The following ZW10 variants were observed in gnomAD, a reference collection of about 807,000 sequenced individuals.
ZW10 encodes the protein zw10 kinetochore protein, also known as centromere/kinetochore protein zw10 homolog.
Under a neutral mutation model 87.8 loss-of-function variants are expected in ZW10, and 53 were observed. That is an observed-to-expected ratio of 0.60 (90% CI 0.48 to 0.76). The LOEUF (loss-of-function observed/expected upper bound fraction) is 0.76, where lower values mean the gene tolerates loss of function less well. ZW10 is among the 30% of genes least tolerant of loss of function. The probability of loss-of-function intolerance (pLI) is 0.00; values close to 1 mark genes in which losing one functional copy is unlikely to be tolerated. For synonymous variants in ZW10, 312 were observed against 329.2 expected (o/e 0.95, Z 0.57); for missense variants, 837 against 923.0 (o/e 0.91, Z 1.21).
In ZW10 at chr11:113,773,682, C is replaced by G. The variant is rs771019350; in HGVS notation, c.-16G>C. The G allele has an allele frequency of 4.3e-6, 7 of 1,610,322 alleles. No individual in the cohort carries two copies. The highest frequency in any genetic ancestry group is 1.7e-5 in the Admixed American group (1 of 59,878). ...ACGAGGCCATGGCCAAGACGGGAACCAACGCTGACTGGGTCACTCTCGTAG... is the reference window on the plus strand; with the variant it reads ...ACGAGGCCATGGCCAAGACGGGAACGAACGCTGACTGGGTCACTCTCGTAG... On this transcript the variant is annotated 5_prime_UTR_variant, in exon 1 of 16. Coordinates refer to ENST00000200135, the MANE Select transcript of ZW10 (RefSeq NM_004724.4).
At chr11:113,759,436 A>G (rs1485329444) in intron 5 of ZW10, among the ~76,000 whole-genome samples, 2 of 152,176 alleles carry the variant, frequency 1.3e-5, no homozygotes, top group African/African-American at 2.4e-5. Flanking sequence ...TATATAATGA[A>G]TTTGTAGGCC....
intron 2 of ZW10, among the ~76,000 whole-genome samples, chr11:113,766,673 CAAAAAAAAAAA>C (rs34081366): frequency 3.6e-5 from 1 of 27,638 alleles, no homozygotes; most frequent in Admixed American, 7.0e-4. Context: ...GACTCCATCT[CAAAAAAAAAAA>C]AAAAAAAAAA....
chr11:113,741,865 A>T (rs1475456757), intron 10 of ZW10, 100 bp from the exon 11 acceptor site: 4 of 721,578 alleles, frequency 5.5e-6, no homozygotes, highest in Non-Finnish European at 9.2e-6. Context: ...TCATAAGCTA[A>T]AACTACAGTT....
At chr11:113,747,816 C>G in intron 8 of ZW10, 103 bp from the exon 9 acceptor site, 1 of 929,344 alleles carries the variant, frequency 1.1e-6, no homozygotes, top group Admixed American at 2.5e-5. Context: ...CCAAGCTGGT[C>G]ATTTTAGAAT....
intron 6 of ZW10, among the ~76,000 whole-genome samples, 180 bp from the exon 7 acceptor site, chr11:113,758,033 A>G (rs1432211872): frequency 6.6e-6 from 1 of 152,090 alleles, no homozygotes; most frequent in Non-Finnish European, 1.5e-5. Context: ...TTAGCTGGGC[A>G]TGGTGGCAGG....
intron 7 of ZW10, among the ~76,000 whole-genome samples, chr11:113,749,110 G>C (rs1363834829): frequency 6.6e-6 from 1 of 152,136 alleles, no homozygotes; most frequent in Non-Finnish European, 1.5e-5. Context: ...GGAGGCTGAG[G>C]TGGGAGGATC....
chr11:113,768,966 C>T lies in ZW10; in HGVS notation c.107G>A (p.Gly36Asp). 1 of 1,613,638 alleles carries T rather than the reference C, an allele frequency of 6.2e-7. No homozygotes were observed. Among genetic ancestry groups the T allele is most frequent in the Non-Finnish European group, 8.5e-7 (1 of 1,179,740 alleles). Residue 36 changes from glycine to aspartate, a missense_variant and splice_region_variant, in exon 2 of 16, where the codon GGT becomes GAT. Coordinates refer to ENST00000200135, the MANE Select transcript of ZW10 (RefSeq NM_004724.4). ...CTTGCTAATCATATTGCACACCTCACCCTAAAATATAAAACAGAATTATAT... is the reference window on the plus strand; with the variant it reads ...CTTGCTAATCATATTGCACACCTCATCCTAAAATATAAAACAGAATTATAT... Reference protein sequence around the residue: ...RLTRRVEEIKGEVCNMISKKY... With the variant: ...RLTRRVEEIKDEVCNMISKKY...
intron 12 of ZW10, among the ~76,000 whole-genome samples, chr11:113,738,600 A>G (rs1953578233): frequency 6.6e-6 from 1 of 152,170 alleles, no homozygotes; most frequent in African/African-American, 2.4e-5. Context: ...CCCTCCAGAT[A>G]ATATTTTCCA....
intron 3 of ZW10, 101 bp from the exon 4 acceptor site, chr11:113,760,691 T>G: frequency 1.1e-5 from 8 of 747,956 alleles, no homozygotes; most frequent in Non-Finnish European, 1.5e-5. Flanking sequence ...CTCCCCCCTC[T>G]AAAAAAAAAA....
chr11:113,737,521 C>A (rs1379131761), intron 14 of ZW10, 51 bp downstream of exon 14: 2 of 1,468,326 alleles, frequency 1.4e-6, no homozygotes, highest in Non-Finnish European at 9.1e-7. Context: ...AAGTCACAAT[C>A]TGGGACATGA....
chr11:113,737,503 T>C, intron 14 of ZW10, 69 bp downstream of exon 14: 1 of 1,430,332 alleles, frequency 7.0e-7, no homozygotes, highest in South Asian at 1.7e-5. Context: ...AACATCACTT[T>C]CTTAGCAAAG....
intron 15 of ZW10, among the ~76,000 whole-genome samples, chr11:113,735,195 A>G (rs1953535999): frequency 1.3e-5 from 2 of 152,210 alleles, no homozygotes; most frequent in South Asian, 4.1e-4. Context: ...TCTGGGGGAA[A>G]AAAATTTCCT....
At chr11:113,764,549 T>C (rs1953892864) in intron 2 of ZW10, among the ~76,000 whole-genome samples, 1 of 152,168 alleles carries the variant, frequency 6.6e-6, no homozygotes, top group African/African-American at 2.4e-5. Flanking sequence ...GTAGTAAAAA[T>C]ATTTTATTTA....
In ZW10 at chr11:113,739,312, A is replaced by C; in HGVS notation, c.1654T>G (p.Leu552Val). ...HNNCMYIAHHLLTLGHQFRLR... is the reference protein window; with the variant it reads ...HNNCMYIAHHVLTLGHQFRLR... Reference sequence around the variant, plus strand: ...CTGAACTGATGCCCGAGGGTCAGCAAGTGGTGAGCAATGTACATACAGTTG... The same window carrying C: ...CTGAACTGATGCCCGAGGGTCAGCACGTGGTGAGCAATGTACATACAGTTG... Residue 552 changes from leucine to valine, a missense_variant, in exon 12 of 16, where the codon TTG becomes GTG. By Grantham distance (32) the Leu-to-Val change is conservative (BLOSUM62 1). Transcript: ENST00000200135. 1 of 1,613,886 alleles carries C rather than the reference A, an allele frequency of 6.2e-7. No homozygotes were observed. The highest frequency in any genetic ancestry group is 8.5e-7 in the Non-Finnish European group (1 of 1,179,896).
chr11:113,736,286 A>AG (rs1953552754), intron 15 of ZW10, among the ~76,000 whole-genome samples: 1 of 151,758 alleles, frequency 6.6e-6, no homozygotes. Flanking sequence ...AAAAAAAAAA[A>AG]GCATCCACTG....
chr11:113,738,144 G>C (rs931582809), intron 13 of ZW10, 120 bp downstream of exon 13: 1 of 1,113,260 alleles, frequency 9.0e-7, no homozygotes, highest in Non-Finnish European at 1.2e-6. Flanking sequence ...TTCCAAAGGT[G>C]GGGGTGCAGG....
intron 9 of ZW10, among the ~76,000 whole-genome samples, chr11:113,745,389 G>A (rs1435878340): frequency 6.6e-6 from 1 of 151,664 alleles, no homozygotes; most frequent in Non-Finnish European, 1.5e-5. Context: ...ACTGGACTTC[G>A]ACAGAGATTT....
At position 113,773,652 on chromosome 11, in the gene ZW10, C is replaced by T. The variant is rs1937670968; in HGVS notation, c.15G>A (p.Val5=). The T allele has an allele frequency of 3.1e-6, 5 of 1,613,420 alleles. No homozygotes were observed. Among genetic ancestry groups the T allele is most frequent in the Non-Finnish European group, 4.2e-6 (5 of 1,179,676 alleles). The change falls in exon 1 of 16, where the codon GTG becomes GTA. Residue 5 remains valine, a synonymous_variant. Transcript: ENST00000200135. The stretch of plus-strand genomic sequence containing the variant: ...TCCCGGAGTGTGCCAAAACTTCTGT[C>T]ACGAACGAGGCCATGGCCAAGACGG... MASF[V]TEVLAHSGRL...
Position 113,760,296 on chromosome 11 carries a change from C to G in ZW10, c.493G>C (p.Glu165Gln). The G allele has an allele frequency of 6.2e-7, 1 of 1,614,060 alleles. No homozygotes were observed. Among genetic ancestry groups the G allele is most frequent in the South Asian group, 1.1e-5 (1 of 91,076 alleles). Residue 165 changes from glutamate (E) to glutamine (Q), a missense_variant, in exon 5 of 16, where the codon GAG becomes CAG. By Grantham distance (29) the Glu-to-Gln change is conservative. Transcript: ENST00000200135. The part of the protein sequence containing the change: ...DLKILKSLSM[E>Q]LTIQKQNILY... ...ATGTTCTGTTTCTGTATTGTGAGCT[C>G]CATGCTGAGAGATTTCAATATTTTT...
Sources: allele counts gnomAD v4.1 joint callset (sites outside exome capture counted in the v4.1 genomes callset), GRCh38; gene constraint gnomAD v4.1.1; transcripts MANE v1.5; gene names NCBI Gene and HGNC (gene_info 2026-07-23, HGNC 2026-07-21).